The following HECW1 variants were observed in gnomAD, a reference collection of about 807,000 sequenced individuals.
HECW1 encodes the protein HECT, C2 and WW domain containing E3 ubiquitin protein ligase 1.
In HECW1, 61 loss-of-function variants were observed where a neutral mutation model predicts 182.3. The ratio of observed to expected loss-of-function variants is 0.33; its 90% CI spans 0.27 to 0.41. HECW1 has a LOEUF of 0.41. HECW1 is among the 10% of genes least tolerant of loss of function. The pLI is 1.00. For synonymous variants in HECW1, 859 were observed against 832.6 expected (o/e 1.03, Z -0.55); for missense variants, 1,739 against 2,108.9 (o/e 0.82, Z 3.44).
rs576086553 is a variant in HECW1 at position 43,563,536 on chromosome 7, G to A, written c.*1610G>A. On this transcript the variant is annotated 3_prime_UTR_variant, in exon 30 of 30. Coordinates refer to ENST00000395891, the MANE Select transcript of HECW1 (RefSeq NM_015052.5). ...ATGAAGCCAATGGCTCATTATACCA[G>A]TTTGTGTCTGGACAGTGTGTTATTT... 7.7e-5 allele frequency: 15 copies of A among 194,540 alleles called. No homozygotes were observed. In the South Asian group the frequency reaches 2.9e-3, roughly 37 times the overall value. 12.1% of individuals were successfully genotyped at this position (194,540 alleles called of 1,614,324 possible). A position where few individuals can be genotyped will look rare whatever the true frequency, so the allele number is the denominator to read the frequency against.
At chr7:43,492,519 A>G (rs2078970292) in intron 18 of HECW1, among the ~76,000 whole-genome samples, 1 of 152,168 alleles carries the variant, frequency 6.6e-6, no homozygotes, top group South Asian at 2.1e-4. Flanking sequence ...CTGTTTTTAG[A>G]CAGTTTTTAA....
chr7:43,141,109 G>A lies in HECW1; in HGVS notation c.-32+26718G>A, dbSNP rs558496804. 4.6e-5 allele frequency among the ~76,000 whole-genome samples: 7 copies of A among 152,298 alleles called. No individual in the cohort carries two copies. The East Asian group carries it at 1.4e-3, about 29-fold the overall frequency. On this transcript the variant is annotated intron_variant, in intron 2 of 29. Coordinates refer to ENST00000395891, the MANE Select transcript of HECW1 (RefSeq NM_015052.5). ...CATTCAGTTCATAACACCCGTCTTT[G>A]GTATGGAGAAAGCTGACCAATGGTC...
chr7:43,403,307 T>A (rs1444506532), intron 7 of HECW1, among the ~76,000 whole-genome samples: 1 of 152,178 alleles, frequency 6.6e-6, no homozygotes, highest in South Asian at 2.1e-4. Context: ...GTACAATTTG[T>A]AGTGAAGTGA....
intron 2 of HECW1, among the ~76,000 whole-genome samples, chr7:43,143,672 A>G (rs1212537923): frequency 1.3e-5 from 2 of 152,190 alleles, no homozygotes; most frequent in African/African-American, 2.4e-5. Flanking sequence ...ACCCTTATGC[A>G]GCTGCTGCTT....
In HECW1 at chr7:43,243,828, T is replaced by A; in HGVS notation, c.-31-47T>A. On this transcript the variant is annotated intron_variant, in intron 2 of 29. Coordinates refer to ENST00000395891, the MANE Select transcript of HECW1 (RefSeq NM_015052.5). This position sits in a 1 kb window ranked among gnomAD's most constrained non-coding sequence, Gnocchi z 4.0. The stretch of plus-strand genomic sequence containing the variant: ...TGTGTGGGTAATGTTGCTGATTTTG[T>A]TTGCTTGGGATACACGCTAAGTTAA... The A allele has an allele frequency of 7.0e-7, 1 of 1,428,616 alleles. No individual in the cohort carries two copies. The highest frequency in any genetic ancestry group is 1.4e-5 in the African/African-American group (1 of 71,156). The allele number at this position is 1,428,616 out of a possible 1,614,324, so 88.5% of individuals were successfully genotyped here.
rs117372020 is a variant in HECW1, at chr7:43,394,666, C to T, written c.556-2148C>T. Among the ~76,000 whole-genome samples, 848 of 152,292 alleles carry T rather than the reference C, an allele frequency of 5.6e-3. 3 individuals are homozygous for T. Among genetic ancestry groups the T allele is most frequent in the Admixed American group, 0.012 (178 of 15,300 alleles). On this transcript the variant is annotated intron_variant, in intron 6 of 29. Transcript: ENST00000395891. ...GCATCTGGTGAGTTTCAGTCCCTCA[C>T]CTGAGAGTCAGTTTCCTGAGGAAGG...
intron 24 of HECW1, among the ~76,000 whole-genome samples, chr7:43,520,233 C>T (rs1439911711): frequency 6.6e-6 from 1 of 152,110 alleles, no homozygotes; most frequent in Admixed American, 6.6e-5. Flanking sequence ...CTATGCTCAC[C>T]CTACCCTGGG....
At chr7:43,371,890 G>A (rs1262449439) in intron 6 of HECW1, among the ~76,000 whole-genome samples, 2 of 152,178 alleles carry the variant, frequency 1.3e-5, no homozygotes, top group Non-Finnish European at 2.9e-5. Flanking sequence ...CACGGTCTCG[G>A]CTCACTGCAA....
intron 4 of HECW1, among the ~76,000 whole-genome samples, chr7:43,312,885 G>A (rs370152641): frequency 2.2e-4 from 33 of 152,326 alleles, no homozygotes; most frequent in African/African-American, 7.0e-4. Context: ...AGTTATAATT[G>A]CTGGAAGGCC....
Position 43,427,158 on chromosome 7 carries a change from A to G in HECW1, c.802-10845A>G, listed in dbSNP as rs149796721. On this transcript the variant is annotated intron_variant, in intron 8 of 29. Coordinates refer to ENST00000395891, the MANE Select transcript of HECW1 (RefSeq NM_015052.5). ...GACATAGAACTCTAGGTTGACAGTT[A>G]TTTTTCCCTCAGTACTTTGATGTAT... is the stretch of plus-strand genomic sequence containing the variant. 2.4e-3 allele frequency among the ~76,000 whole-genome samples: 360 copies of G among 152,286 alleles called. 13 individuals are homozygous for G. Among genetic ancestry groups the G allele is most frequent in the Admixed American group, 0.02 (311 of 15,280 alleles).
rs113623416 is a variant in HECW1, at chr7:43,487,426, C to T, written c.3235-4649C>T. Reference sequence around the variant, plus strand: ...AAGAAAAAGAAATCCTAAAAGTAGTCCCTACTACAAACTGGGTTTTACCCA... The same window carrying T: ...AAGAAAAAGAAATCCTAAAAGTAGTTCCTACTACAAACTGGGTTTTACCCA... On this transcript the variant is annotated intron_variant, in intron 17 of 29. Transcript: ENST00000395891. 2.6e-3 allele frequency among the ~76,000 whole-genome samples: 393 copies of T among 152,278 alleles called. 1 individual carries two copies. The highest frequency in any genetic ancestry group is 3.8e-3 in the Non-Finnish European group (261 of 68,028).
chr7:43,185,082 G>A (rs530841461), intron 2 of HECW1, among the ~76,000 whole-genome samples: 2 of 152,242 alleles, frequency 1.3e-5, no homozygotes, highest in South Asian at 4.2e-4. Context: ...TTTGTGTGGG[G>A]ATGCAGATGC....
At chr7:43,464,985 A>G (rs1346899186) in intron 14 of HECW1, among the ~76,000 whole-genome samples, 1 of 151,824 alleles carries the variant, frequency 6.6e-6, no homozygotes, top group African/African-American at 2.4e-5. Flanking sequence ...CATTTTTTGT[A>G]GAGACAGAGT....
At chr7:43,251,720 G>A (rs894695776) in intron 3 of HECW1, among the ~76,000 whole-genome samples, 11 of 152,176 alleles carry the variant, frequency 7.2e-5, no homozygotes, top group Admixed American at 6.6e-4. Flanking sequence ...AAACCCAGCC[G>A]ATGCTCTGGT....
intron 24 of HECW1, among the ~76,000 whole-genome samples, chr7:43,517,391 T>A (rs1162498342): frequency 7.5e-6 from 1 of 134,160 alleles, no homozygotes; most frequent in Non-Finnish European, 1.6e-5. Context: ...AGATACTACC[T>A]GGGTGGTAAA....
rs574750434 is a variant in HECW1 at position 43,326,533 on chromosome 7, G to A, written c.460+5791G>A. 2.6e-5 allele frequency among the ~76,000 whole-genome samples: 4 copies of A among 152,312 alleles called. No homozygotes were observed. In the East Asian group the frequency reaches 7.7e-4, roughly 29 times the overall value. On this transcript the variant is annotated intron_variant, in intron 5 of 29. Coordinates refer to ENST00000395891, the MANE Select transcript of HECW1 (RefSeq NM_015052.5). ...ATGAAGATGACCTGAAAAAACTCAG[G>A]AGAAGTGCCCAGCCATGTGTCAGGG... is the stretch of plus-strand genomic sequence containing the variant.
rs77786939 is a variant in HECW1 at position 43,509,056 on chromosome 7, G to A, written c.3954G>A (p.Ser1318=). The change falls in exon 24 of 30, where the codon TCG becomes TCA. Residue 1318 remains serine, a synonymous_variant. Coordinates refer to ENST00000395891, the MANE Select transcript of HECW1 (RefSeq NM_015052.5). Reference sequence around the variant, plus strand: ...CTTACTATGGACTCTTTGAGTACTCGGCAAATGATACTTACACGGTGCAGA... The same window carrying A: ...CTTACTATGGACTCTTTGAGTACTCAGCAAATGATACTTACACGGTGCAGA... ...FNPYYGLFEY[S]ANDTYTVQIS... 7.2e-3 allele frequency: 11,641 copies of A among 1,614,058 alleles called. 60 individuals are homozygous for A. The highest frequency in any genetic ancestry group is 8.7e-3 in the Non-Finnish European group (10,223 of 1,179,966).
chr7:43,122,292 A>T (rs1785709312), intron 2 of HECW1, among the ~76,000 whole-genome samples: 1 of 152,184 alleles, frequency 6.6e-6, no homozygotes, highest in Non-Finnish European at 1.5e-5. Context: ...CCCTGCCATG[A>T]ATAGTGTCAG....
At chr7:43,281,265 C>T (rs771149404) in intron 3 of HECW1, among the ~76,000 whole-genome samples, 2 of 152,156 alleles carry the variant, frequency 1.3e-5, no homozygotes, top group Admixed American at 6.5e-5. Flanking sequence ...AGCTCCAAAA[C>T]GGCATCTCCT....
Sources: allele counts gnomAD v4.1 joint callset (sites outside exome capture counted in the v4.1 genomes callset), GRCh38; gene constraint gnomAD v4.1.1; non-coding constraint Gnocchi (gnomAD v3.1); transcripts MANE v1.5; gene names NCBI Gene and HGNC (gene_info 2026-07-23, HGNC 2026-07-21).